ECE2: variants seen among roughly 807,000 people sequenced by gnomAD.
ECE2 encodes endothelin converting enzyme 2.
A neutral mutation model predicts 100.6 loss-of-function variants in ECE2; 81 were observed. The ratio of observed to expected loss-of-function variants is 0.81; its 90% CI spans 0.67 to 0.97. The LOEUF is 0.97. Ranked by LOEUF, ECE2 falls within the 50% of genes least tolerant of loss-of-function variation. The pLI is 0.00. For missense variants in ECE2, 911 were observed against 988.1 expected (o/e 0.92, Z 1.05); for synonymous variants, 391 against 391.5 (o/e 1.00, Z 0.02).
Position 184,289,728 on chromosome 3 carries a change from T to G in ECE2, c.1551+10T>G. Reference sequence around the variant, plus strand: ...TGATGTTTATGACGGGGTGAGTACCTACGCTCATCAGTACTGAACTTCAGC... The same window carrying G: ...TGATGTTTATGACGGGGTGAGTACCGACGCTCATCAGTACTGAACTTCAGC... On this transcript the variant is annotated intron_variant, in intron 13 of 18. Coordinates refer to ENST00000404464, the MANE Select transcript of ECE2 (RefSeq NM_001100121.2). This position sits in a 1 kb window ranked among gnomAD's most constrained non-coding sequence, Gnocchi z 4.1. The G allele has an allele frequency of 6.2e-7, 1 of 1,606,928 alleles. No homozygotes were observed. Among genetic ancestry groups the G allele is most frequent in the Non-Finnish European group, 8.5e-7 (1 of 1,176,362 alleles).
chr3:184,280,530 C>T (rs903538039), intron 7 of ECE2, among the ~76,000 whole-genome samples: 2 of 152,112 alleles, frequency 1.3e-5, no homozygotes, highest in Non-Finnish European at 2.9e-5. Context: ...CGTGAAAGGA[C>T]CCAGAGGCCT....
intron 4 of ECE2, 64 bp from the exon 5 acceptor site, chr3:184,277,861 G>T: frequency 6.3e-7 from 1 of 1,588,022 alleles, no homozygotes; most frequent in Non-Finnish European, 8.5e-7. Flanking sequence ...ACCGAGCAAG[G>T]GCCAGGGACT....
chr3:184,283,920 C>G lies in ECE2; in HGVS notation c.952C>G (p.Gln318Glu). 6.2e-7 allele frequency: 1 copy of G among 1,614,004 alleles called. No individual in the cohort carries two copies. Among genetic ancestry groups the G allele is most frequent in the Non-Finnish European group, 8.5e-7 (1 of 1,180,028 alleles). ...GGCCAACATCACAGTGCCCCAGGACCAGCGGCGCGACGAGGAGAAGATCTA... is the reference window on the plus strand; with the variant it reads ...GGCCAACATCACAGTGCCCCAGGACGAGCGGCGCGACGAGGAGAAGATCTA... ...QLANITVPQDQRRDEEKIYHK... is the reference protein window; with the variant it reads ...QLANITVPQDERRDEEKIYHK... Residue 318 changes from glutamine (Q) to glutamate (E), a missense_variant, in exon 8 of 19, where the codon CAG becomes GAG. Physicochemically the swap from Gln to Glu is conservative, Grantham distance 29 (BLOSUM62 2). Coordinates refer to ENST00000404464, the MANE Select transcript of ECE2 (RefSeq NM_001100121.2).
At chr3:184,276,645 G>A (rs752393564) in intron 2 of ECE2, 78 bp downstream of exon 2, 1 of 1,576,486 alleles carries the variant, frequency 6.3e-7, no homozygotes, top group South Asian at 1.2e-5. Context: ...GCTCTGGGCT[G>A]TTCTGGAGGG....
chr3:184,285,686 A>T, intron 10 of ECE2, 94 bp downstream of exon 10: 1 of 936,478 alleles, frequency 1.1e-6, no homozygotes, highest in Non-Finnish European at 1.7e-6. Context: ...CATGGTGCAC[A>T]GGTGCATAGT....
At chr3:184,277,115 A>C in intron 3 of ECE2, 88 bp downstream of exon 3, 1 of 1,601,098 alleles carries the variant, frequency 6.2e-7, no homozygotes, top group Non-Finnish European at 8.5e-7. Flanking sequence ...GTGGGAACCA[A>C]GCCTTCCCTG....
intron 16 of ECE2, 73 bp downstream of exon 16, chr3:184,290,933 G>A (rs1237930439): frequency 1.2e-6 from 2 of 1,605,964 alleles, no homozygotes; most frequent in African/African-American, 1.3e-5. Flanking sequence ...GGACATTGAT[G>A]TAGCCCCAAG....
intron 7 of ECE2, among the ~76,000 whole-genome samples, chr3:184,281,833 T>A (rs1720824996): frequency 6.6e-6 from 1 of 152,362 alleles, no homozygotes; most frequent in Admixed American, 6.5e-5. Flanking sequence ...GTGCAGTGGC[T>A]CACGCCTGTG....
Position 184,289,563 on chromosome 3 carries a change from A to G in ECE2, c.1473+28A>G, listed in dbSNP as rs775673679. ...GAGCGGTGGCTAGGGTTGGGGCGCC[A>G]TCTTGAGGTGGGGTTCAAGGATACA... On this transcript the variant is annotated intron_variant, in intron 12 of 18. Coordinates refer to ENST00000404464, the MANE Select transcript of ECE2 (RefSeq NM_001100121.2). This position sits in a 1 kb window ranked among gnomAD's most constrained non-coding sequence, Gnocchi z 4.1. 1 of 1,613,848 alleles carries G rather than the reference A, an allele frequency of 6.2e-7. No individual in the cohort carries two copies. The highest frequency in any genetic ancestry group is 1.1e-5 in the South Asian group (1 of 91,058).
chr3:184,276,577 G>C lies in ECE2; in HGVS notation c.126+10G>C. On this transcript the variant is annotated intron_variant, in intron 2 of 18. Transcript: ENST00000404464. ...CCCGGACGCCATGGAGGTGGGCAAG[G>C]GGGCTTCCCCTTTCTCACCAGGCCC... 6.2e-7 allele frequency: 1 copy of C among 1,605,376 alleles called. No individual in the cohort carries two copies. The highest frequency in any genetic ancestry group is 8.5e-7 in the Non-Finnish European group (1 of 1,176,698).
In ECE2 at chr3:184,276,025, G is replaced by A. The variant is rs530219970; in HGVS notation, c.-129G>A. 2.0e-4 allele frequency: 211 copies of A among 1,055,316 alleles called. No homozygotes were observed. The African/African-American group carries it at 3.5e-3, about 17-fold the overall frequency. 65.4% of individuals were successfully genotyped at this position (1,055,316 alleles called of 1,614,324 possible). ...TCGGGCGGGGGGGGGGGCGGCCGCG[G>A]CCGAGCGGGGGTGCTGCGCGGCGGC... On this transcript the variant is annotated 5_prime_UTR_variant, in exon 1 of 19. Coordinates refer to ENST00000404464, the MANE Select transcript of ECE2 (RefSeq NM_001100121.2).
Position 184,276,192 on chromosome 3 carries a change from C to G in ECE2, c.39C>G (p.Asn13Lys). 2.8e-6 allele frequency: 4 copies of G among 1,446,674 alleles called. No individual in the cohort carries two copies. Among genetic ancestry groups the G allele is most frequent in the Non-Finnish European group, 3.6e-6 (4 of 1,105,668 alleles). 89.6% of individuals were successfully genotyped at this position (1,446,674 alleles called of 1,614,324 possible). A position where few individuals can be genotyped will look rare whatever the true frequency, so the allele number is the denominator to read the frequency against. Residue 13 changes from asparagine (N) to lysine (K), a missense_variant and splice_region_variant, in exon 1 of 19, where the codon AAC becomes AAG. Transcript: ENST00000404464. ...TGCAGGAGCTGGGAGCTGGCAGCAA[C>G]GTGAGTGGGGGCCCCGGGCTCCACG... is the stretch of plus-strand genomic sequence containing the variant. ...VALQELGAGSNMVEYKRATLR... is the reference protein window; with the variant it reads ...VALQELGAGSKMVEYKRATLR...
At chr3:184,281,323 G>A (rs1437345765) in intron 7 of ECE2, among the ~76,000 whole-genome samples, 1 of 152,230 alleles carries the variant, frequency 6.6e-6, no homozygotes, top group Non-Finnish European at 1.5e-5. Flanking sequence ...ATAGGGTTCT[G>A]AGAGCAAGTG....
chr3:184,279,325 A>AAAAG (rs1560182340), intron 7 of ECE2, among the ~76,000 whole-genome samples: 1 of 149,934 alleles, frequency 6.7e-6, no homozygotes, highest in Admixed American at 6.7e-5. Context: ...AAAAAAAAAA[A>AAAAG]AAAGAAAGAA....
chr3:184,278,720 C>A, intron 7 of ECE2, 163 bp downstream of exon 7: 1 of 669,334 alleles, frequency 1.5e-6, no homozygotes, highest in Non-Finnish European at 2.5e-6. Context: ...TCCTCCCTCC[C>A]TCCCTTTCTT....
rs746665156 is a variant in ECE2 at position 184,276,525 on chromosome 3, C to G, written c.84C>G (p.Pro28=). ...CCACGCTTCGGGATGAAGACGCACCCGAGACCCCCGTAGAGGGCGGGGCCT... is the reference window on the plus strand; with the variant it reads ...CCACGCTTCGGGATGAAGACGCACCGGAGACCCCCGTAGAGGGCGGGGCCT... ...KRATLRDEDA[P]ETPVEGGASP... Residue 28 remains proline (P), a synonymous_variant, in exon 2 of 19, where the codon CCC becomes CCG. Coordinates refer to ENST00000404464, the MANE Select transcript of ECE2 (RefSeq NM_001100121.2). The G allele has an allele frequency of 6.2e-7, 1 of 1,611,460 alleles. No homozygotes were observed. The highest frequency in any genetic ancestry group is 8.5e-7 in the Non-Finnish European group (1 of 1,179,704).
chr3:184,276,829 C>T (rs1261656649), intron 2 of ECE2, 63 bp from the exon 3 acceptor site: 3 of 1,599,790 alleles, frequency 1.9e-6, no homozygotes, highest in Non-Finnish European at 2.6e-6. Context: ...TGGCTTCACC[C>T]TCTGGTAATC....
Position 184,276,210 on chromosome 3 carries a change from G to A in ECE2, c.39+18G>A. On this transcript the variant is annotated intron_variant, in intron 1 of 18. Transcript: ENST00000404464. Reference sequence around the variant, plus strand: ...GCAGCAACGTGAGTGGGGGCCCCGGGCTCCACGGGAGGGGACTGGGTGGAG... The same window carrying A: ...GCAGCAACGTGAGTGGGGGCCCCGGACTCCACGGGAGGGGACTGGGTGGAG... 2 of 1,442,830 alleles carry A rather than the reference G, an allele frequency of 1.4e-6. No individual in the cohort carries two copies. Among genetic ancestry groups the A allele is most frequent in the South Asian group, 2.8e-5 (2 of 70,462 alleles). 89.4% of individuals were successfully genotyped at this position (1,442,830 alleles called of 1,614,324 possible).
intron 10 of ECE2, among the ~76,000 whole-genome samples, 167 bp downstream of exon 10, chr3:184,285,759 G>C (rs939004256): frequency 1.3e-5 from 2 of 152,262 alleles, no homozygotes; most frequent in African/African-American, 4.8e-5. Context: ...TCATTTTCTA[G>C]CCTGTAGGAC....
Sources: allele counts gnomAD v4.1 joint callset (sites outside exome capture counted in the v4.1 genomes callset), GRCh38; gene constraint gnomAD v4.1.1; non-coding constraint Gnocchi (gnomAD v3.1); transcripts MANE v1.5; gene names NCBI Gene and HGNC (gene_info 2026-07-23, HGNC 2026-07-21).